LINGO2: variants seen among roughly 807,000 people sequenced by gnomAD.
The protein encoded by LINGO2 is leucine rich repeat and Ig domain containing 2.
In LINGO2, 14 loss-of-function variants were observed where a neutral mutation model predicts 30.6. The ratio of observed to expected loss-of-function variants is 0.46; its 90% confidence interval spans 0.30 to 0.72. LINGO2 has a LOEUF of 0.72. LINGO2 is among the 30% of genes least tolerant of loss of function. The pLI, the probability that LINGO2 is intolerant of heterozygous loss-of-function variation, is 0.07. For synonymous variants in LINGO2, 317 were observed against 288.5 expected (o/e 1.10, Z -1.00); for missense variants, 729 against 751.7 (o/e 0.97, Z 0.35).
chr9:28,187,016 G>C (rs1001161172), intron 4 of LINGO2, among the ~76,000 whole-genome samples: 1 of 152,148 alleles, frequency 6.6e-6, no homozygotes, highest in Non-Finnish European at 1.5e-5. Context: ...GACTACAGTA[G>C]TGGGGACAGA....
the LINGO2 span, among the ~76,000 whole-genome samples, chr9:28,679,939 G>GT: frequency 0.023 from 3,425 of 149,788 alleles, 128 homozygotes; most frequent in African/African-American, 0.077. Flanking sequence ...CATACTTACC[G>GT]TTTTTTTTTG....
chr9:28,527,503 T>C (rs73441415), intron 1 of LINGO2, among the ~76,000 whole-genome samples: 3,337 of 152,276 alleles, frequency 0.022, 124 homozygotes, highest in African/African-American at 0.076. Flanking sequence ...CTGCTGTTTT[T>C]ACCATTCTTC....
the LINGO2 span, among the ~76,000 whole-genome samples, chr9:28,877,758 C>A: frequency 1.3e-5 from 2 of 152,052 alleles, no homozygotes. Context: ...TCCATAGGAA[C>A]TTTAAAGTAG....
chr9:28,613,065 A>G, intron 1 of LINGO2, among the ~76,000 whole-genome samples: 1 of 152,074 alleles, frequency 6.6e-6, no homozygotes, highest in Non-Finnish European at 1.5e-5. Context: ...CCTTCCTGTC[A>G]TCTTGTGAAT....
chr9:28,710,786 A>T, the LINGO2 span, among the ~76,000 whole-genome samples: 2 of 152,146 alleles, frequency 1.3e-5, no homozygotes, highest in African/African-American at 4.8e-5. Flanking sequence ...TGAATAATAT[A>T]TGCTTCCCCC....
chr9:28,557,590 G>A (rs1434162680), intron 1 of LINGO2, among the ~76,000 whole-genome samples: 1 of 151,812 alleles, frequency 6.6e-6, no homozygotes, highest in Non-Finnish European at 1.5e-5. Flanking sequence ...TCAGTGTGGC[G>A]ATTCCTCAGG....
chr9:28,432,496 T>G (rs1281337486), intron 2 of LINGO2, among the ~76,000 whole-genome samples: 2 of 152,030 alleles, frequency 1.3e-5, no homozygotes, highest in Non-Finnish European at 2.9e-5. Context: ...GGCAAAACTT[T>G]CCCTGTTATT....
rs545283945 is a variant in LINGO2, at chr9:28,181,516, C to T, written c.-87+113692G>A. Among the ~76,000 whole-genome samples, 16 of 152,212 alleles carry T rather than the reference C, an allele frequency of 1.1e-4. No homozygotes were observed. In the East Asian group the frequency reaches 3.1e-3, roughly 29 times the overall value. On this transcript the variant is annotated intron_variant, in intron 4 of 5. Coordinates refer to ENST00000379992, the Ensembl canonical transcript of LINGO2. ...TCCTAGGTACAGTGAATTAGACATG[C>T]CAGTGGTAGGGCCAGCAATGGTGTG...
chr9:28,893,007 A>T, the LINGO2 span, among the ~76,000 whole-genome samples: 105 of 152,064 alleles, frequency 6.9e-4, no homozygotes, highest in Non-Finnish European at 1.2e-3. Context: ...TGCTTTATGC[A>T]CCTCTACCTT....
At chr9:28,743,547 T>C in the LINGO2 span, among the ~76,000 whole-genome samples, 145,412 of 152,020 alleles carry the variant, frequency 0.96, 69,843 homozygotes, top group Non-Finnish European at 1. Context: ...CCTTCATTTT[T>C]AAAAGGTAGT....
chr9:28,983,318 C>CAAAAAAAAA, the LINGO2 span, among the ~76,000 whole-genome samples: 2 of 130,982 alleles, frequency 1.5e-5, no homozygotes, highest in African/African-American at 2.8e-5. Context: ...ATGAGGTATC[C>CAAAAAAAAA]AAAAAAAAAA....
At chr9:28,423,786 G>T (rs1409926611) in intron 2 of LINGO2, among the ~76,000 whole-genome samples, 1 of 151,980 alleles carries the variant, frequency 6.6e-6, no homozygotes, top group Non-Finnish European at 1.5e-5. Flanking sequence ...TTCTCGGCTT[G>T]GGTGAATAAG....
intron 4 of LINGO2, among the ~76,000 whole-genome samples, chr9:28,254,939 C>T (rs1822332462): frequency 6.6e-6 from 1 of 151,970 alleles, no homozygotes; most frequent in African/African-American, 2.4e-5. Context: ...CTACAATAGG[C>T]CCCAGTGTGT....
chr9:28,084,591 C>A (rs1176642389), intron 4 of LINGO2, among the ~76,000 whole-genome samples: 1 of 151,998 alleles, frequency 6.6e-6, no homozygotes, highest in African/African-American at 2.4e-5. Context: ...TTCCTATTTA[C>A]TGTATGAAGA....
chr9:28,529,147 C>T (rs933959212), intron 1 of LINGO2, among the ~76,000 whole-genome samples: 1 of 152,064 alleles, frequency 6.6e-6, no homozygotes, highest in African/African-American at 2.4e-5. Context: ...CCATAAACAT[C>T]GTAATGACCC....
At chr9:29,022,590 C>T in the LINGO2 span, among the ~76,000 whole-genome samples, 1 of 152,118 alleles carries the variant, frequency 6.6e-6, no homozygotes, top group Non-Finnish European at 1.5e-5. Context: ...ATGTAAAAAA[C>T]AAGTAGTTTT....
At chr9:27,939,670 C>T in the LINGO2 span, 6 of 152,306 alleles carry the variant, frequency 3.9e-5, no homozygotes, top group South Asian at 2.1e-4. Flanking sequence ...TTTATGAAAT[C>T]CCTGCATGTA....
chr9:28,026,323 G>C (rs1019242438), intron 4 of LINGO2, among the ~76,000 whole-genome samples: 1 of 152,064 alleles, frequency 6.6e-6, no homozygotes, highest in Non-Finnish European at 1.5e-5. Context: ...ATCCACCTAA[G>C]GCATAATAGA....
At chr9:28,817,326 T>G in the LINGO2 span, among the ~76,000 whole-genome samples, 1 of 152,178 alleles carries the variant, frequency 6.6e-6, no homozygotes, top group East Asian at 1.9e-4. Flanking sequence ...CTTAACTAAG[T>G]TATGCAGAAA....
Sources: allele counts gnomAD v4.1 joint callset (sites outside exome capture counted in the v4.1 genomes callset), GRCh38; gene constraint gnomAD v4.1.1; transcripts MANE v1.5; gene names NCBI Gene and HGNC (gene_info 2026-07-23, HGNC 2026-07-21).